The following CHEK2 variants were observed in gnomAD, a reference collection of about 807,000 sequenced individuals.
CHEK2 encodes serine/threonine-protein kinase Chk2.
In CHEK2, 71 loss-of-function variants were observed where a neutral mutation model predicts 69.1. That is an observed-to-expected ratio of 1.03 (90% CI 0.85 to 1.25). CHEK2 has a LOEUF of 1.25. Ranked by LOEUF, CHEK2 falls within the 50% of genes most tolerant of loss-of-function variation. CHEK2 has a pLI of 0.00. For synonymous variants in CHEK2, 189 were observed against 226.9 expected, an observed-to-expected ratio of 0.83 and a Z score of 1.50; for missense variants, 664 against 649.6, an observed-to-expected ratio of 1.02 and a Z score of -0.24.
Position 28,712,103 on chromosome 22 carries a change from T to C in CHEK2, c.684-86A>G, listed in dbSNP as rs754878080. On this transcript the variant is annotated intron_variant, in intron 5 of 14. Transcript: ENST00000404276. ...CCTGGGTCCACTTCAAGTATTAGAA[T>C]TTACAGACATTCCATATAACAGCCT... The C allele has an allele frequency of 4.9e-4, 458 of 930,592 alleles. No homozygotes were observed. The highest frequency in any genetic ancestry group is 6.8e-4 in the Non-Finnish European group (385 of 568,680). 57.6% of individuals were successfully genotyped at this position (930,592 alleles called of 1,614,324 possible).
chr22:28,728,172 A>T (rs563075455), intron 2 of CHEK2: 1 of 152,328 alleles, frequency 6.6e-6, no homozygotes, highest in South Asian at 2.1e-4. Context: ...AGTTAAAAAG[A>T]TCAACAAGTT....
chr22:28,697,137 G>C (rs1372164483), intron 9 of CHEK2, 150 bp from the exon 10 acceptor site: 22 of 649,462 alleles, frequency 3.4e-5, no homozygotes, highest in African/African-American at 1.3e-4. Flanking sequence ...AAACTGTTGG[G>C]GTAAAGTTTA....
At chr22:28,726,604 ATT>A (rs2054021889) in intron 2 of CHEK2, among the ~76,000 whole-genome samples, 1 of 146,798 alleles carries the variant, frequency 6.8e-6, no homozygotes, top group Non-Finnish European at 1.5e-5. Context: ...TAATATATGT[ATT>A]TATATACACA....
rs1020238007 is a variant in CHEK2 at position 28,699,437 on chromosome 22, C to T, written c.1008+401G>A. 2.2e-5 allele frequency among the ~76,000 whole-genome samples: 3 copies of T among 136,792 alleles called. No individual in the cohort carries two copies. The South Asian group carries it at 7.2e-4, about 33-fold the overall frequency. 89.7% of individuals were successfully genotyped at this position (136,792 alleles called of 152,430 possible). A position where few individuals can be genotyped will look rare whatever the true frequency, so the allele number is the denominator to read the frequency against. ...CTGGAGCACAGTGGCATGATCTCAG[C>T]ACACTGCAACCTCCACCTCCCAGTT... On this transcript the variant is annotated intron_variant, in intron 9 of 14. Transcript: ENST00000404276.
chr22:28,735,708 C>G (rs1458084545), intron 1 of CHEK2, among the ~76,000 whole-genome samples: 1 of 151,806 alleles, frequency 6.6e-6, no homozygotes, highest in African/African-American at 2.4e-5. Flanking sequence ...ACAGTCAAAC[C>G]CCGTGTCCAC....
intron 10 of CHEK2, among the ~76,000 whole-genome samples, chr22:28,696,437 G>A (rs1021750819): frequency 2.0e-5 from 3 of 152,170 alleles, no homozygotes; most frequent in Admixed American, 6.5e-5. Flanking sequence ...GCAGTGGTGC[G>A]ATCTCAGCTC....
chr22:28,712,045 G>T (rs774712585), intron 5 of CHEK2, 28 bp from the exon 6 acceptor site: 1 of 1,528,686 alleles, frequency 6.5e-7, no homozygotes, highest in Non-Finnish European at 9.1e-7. Flanking sequence ...GATAGTGATT[G>T]TCTGAATGTT....
intron 2 of CHEK2, among the ~76,000 whole-genome samples, chr22:28,732,453 G>A (rs1481890717): frequency 1.3e-5 from 2 of 151,992 alleles, no homozygotes; most frequent in Admixed American, 6.6e-5. Context: ...CCCCATGTTG[G>A]CCAGGATGGC....
At position 28,695,185 on chromosome 22, in the gene CHEK2, C is replaced by A. The variant is rs878854915; in HGVS notation, c.1317G>T (p.Gln439His). 1.2e-6 allele frequency: 2 copies of A among 1,613,468 alleles called. No homozygotes were observed. Among genetic ancestry groups the A allele is most frequent in the African/African-American group, 2.7e-5 (2 of 74,884 alleles). The change falls in exon 12 of 15, where the codon CAG (glutamine) becomes CAT (histidine). Residue 439 changes from glutamine (Q) to histidine (H), a missense_variant. Coordinates refer to ENST00000404276, the MANE Select transcript of CHEK2 (RefSeq NM_007194.4). ...TGAAGTTGTATTTTCCACTGGTGAT[C>A]TGATCCTTCAGTGACACTTGAGTCC... ...EHRTQVSLKD[Q>H]ITSGKYNFIP...
chr22:28,701,954 A>AT (rs35082981), intron 8 of CHEK2, among the ~76,000 whole-genome samples: 62,255 of 145,622 alleles, frequency 0.43, 13,366 homozygotes, highest in East Asian at 0.58. Context: ...CCCATATACT[A>AT]TTTTTTTTTT....
chr22:28,714,075 TTTG>T (rs140960539), intron 5 of CHEK2, among the ~76,000 whole-genome samples: 4,610 of 152,302 alleles, frequency 0.03, 104 homozygotes, highest in Non-Finnish European at 0.05. Context: ...TCTGTTGTTG[TTTG>T]TTGTTGTTGT....
chr22:28,734,282 A>G, intron 2 of CHEK2, 121 bp downstream of exon 2: 3 of 875,368 alleles, frequency 3.4e-6, no homozygotes, highest in Non-Finnish European at 3.7e-6. Context: ...ATGATGTTCA[A>G]TTATTTGTTC....
rs576904982 is a variant in CHEK2, at chr22:28,734,749, A to G, written c.-6-22T>C. The G allele has an allele frequency of 3.7e-6, 6 of 1,606,966 alleles. No homozygotes were observed. The South Asian group carries it at 5.5e-5, about 15-fold the overall frequency. Reference sequence around the variant, plus strand: ...CGACCTCAAAAAGAAAGTGTCCAACAACAAAGGTGAGTTTCAAGGCACAAG... The same window carrying G: ...CGACCTCAAAAAGAAAGTGTCCAACGACAAAGGTGAGTTTCAAGGCACAAG... On this transcript the variant is annotated intron_variant, in intron 1 of 14. Coordinates refer to ENST00000404276, the MANE Select transcript of CHEK2 (RefSeq NM_007194.4).
chr22:28,721,229 T>C (rs1423538110), intron 4 of CHEK2, among the ~76,000 whole-genome samples: 2 of 151,736 alleles, frequency 1.3e-5, no homozygotes, highest in Non-Finnish European at 2.9e-5. Flanking sequence ...TTGTACAACA[T>C]GGTGATTGTA....
chr22:28,727,239 C>T (rs939383524), intron 2 of CHEK2, among the ~76,000 whole-genome samples: 13 of 152,086 alleles, frequency 8.5e-5, no homozygotes, highest in African/African-American at 2.2e-4. Context: ...GACGGGGTTT[C>T]GCCATGTTAG....
At chr22:28,730,259 G>GAA in intron 2 of CHEK2, among the ~76,000 whole-genome samples, 1 of 298 alleles carries the variant, frequency 3.4e-3, no homozygotes, top group Non-Finnish European at 6.6e-3. Flanking sequence ...GAGAGGAGGG[G>GAA]AGGGGAGGAA....
intron 5 of CHEK2, among the ~76,000 whole-genome samples, chr22:28,713,608 G>A (rs927716073): frequency 6.6e-6 from 1 of 151,822 alleles, no homozygotes; most frequent in Non-Finnish European, 1.5e-5. Flanking sequence ...CTCCCATCTC[G>A]GCCTCCCAAA....
At position 28,712,094 on chromosome 22, in the gene CHEK2, G is replaced by GTATTAGAATTTACAGACATTCCA. The variant is rs17881244; in HGVS notation, c.684-100_684-78dup. ...CCTACCACTCCTGGGTCCACTTCAA[G>GTATTAGAATTTACAGACATTCCA]TATTAGAATTTACAGACATTCCATA... On this transcript the variant is annotated intron_variant, in intron 5 of 14. Coordinates refer to ENST00000404276, the MANE Select transcript of CHEK2 (RefSeq NM_007194.4). 0.031 allele frequency: 32,080 copies of GTATTAGAATTTACAGACATTCCA among 1,020,282 alleles called. 899 individuals carry two copies. The highest frequency in any genetic ancestry group is 0.064 in the East Asian group (2,675 of 41,684). The allele number at this position is 1,020,282 out of a possible 1,614,324, so 63.2% of individuals were successfully genotyped here.
chr22:28,713,838 G>A (rs999908052), intron 5 of CHEK2, among the ~76,000 whole-genome samples: 8 of 151,782 alleles, frequency 5.3e-5, no homozygotes, highest in South Asian at 2.1e-4. Flanking sequence ...GTGCCACCTC[G>A]CCCAACTAAT....
Sources: gnomAD v4.1 joint callset for allele counts (sites outside exome capture counted in the v4.1 genomes callset) on GRCh38, gnomAD v4.1.1 for gene constraint, MANE v1.5 for transcripts, NCBI Gene and HGNC (gene_info 2026-07-23, HGNC 2026-07-21) for gene names.